STAC: variants seen among roughly 807,000 people sequenced by gnomAD.
The protein encoded by STAC is SH3 and cysteine rich domain.
A neutral mutation model predicts 48.8 loss-of-function variants in STAC; 43 were observed. The observed-to-expected ratio is 0.88, with a 90% CI of 0.69 to 1.14. STAC has a LOEUF of 1.14. STAC is among the 50% of genes most tolerant of loss of function. The pLI is 0.00. For synonymous variants in STAC, 193 were observed against 179.5 expected (o/e 1.07, Z -0.60); for missense variants, 497 against 504.0 (o/e 0.99, Z 0.13).
intron 8 of STAC, among the ~76,000 whole-genome samples, chr3:36,514,335 T>TCA (rs1698617713): frequency 6.9e-6 from 1 of 145,496 alleles, no homozygotes; most frequent in Non-Finnish European, 1.5e-5. Flanking sequence ...ACACACACAT[T>TCA]CACACACACA....
At chr3:36,495,738 T>C (rs1484837445) in intron 6 of STAC, among the ~76,000 whole-genome samples, 1 of 152,270 alleles carries the variant, frequency 6.6e-6, no homozygotes, top group East Asian at 1.9e-4. Flanking sequence ...TTAGCAATCA[T>C]TGCTATGTAG....
chr3:36,395,706 CA>C (rs1699843569), intron 1 of STAC, among the ~76,000 whole-genome samples: 1 of 152,132 alleles, frequency 6.6e-6, no homozygotes, highest in Non-Finnish European at 1.5e-5. Flanking sequence ...ACAAAGTCAT[CA>C]AGAATTAAAA....
intron 1 of STAC, among the ~76,000 whole-genome samples, chr3:36,423,512 A>G (rs1010406174): frequency 6.6e-6 from 1 of 151,712 alleles, no homozygotes; most frequent in Non-Finnish European, 1.5e-5. Flanking sequence ...ATACAGAAAA[A>G]TATACATTGT....
chr3:36,394,432 G>A (rs1332304807), intron 1 of STAC, among the ~76,000 whole-genome samples: 2 of 152,196 alleles, frequency 1.3e-5, no homozygotes. Flanking sequence ...ACTGGGGAAA[G>A]CCAGGGAGGA....
intron 2 of STAC, among the ~76,000 whole-genome samples, chr3:36,463,054 G>A (rs1197773294): frequency 6.6e-6 from 1 of 152,122 alleles, no homozygotes; most frequent in Non-Finnish European, 1.5e-5. Context: ...GTACAAGGTG[G>A]ACTTTGTTTT....
At chr3:36,492,028 AAAAATATATATATATATATATATATAT>A (rs1697990984) in intron 5 of STAC, among the ~76,000 whole-genome samples, 2 of 36,660 alleles carry the variant, frequency 5.5e-5, no homozygotes, top group Non-Finnish European at 1.1e-4. Context: ...AAAAAAAAAA[AAAAATATATATATATATATATATATAT>A]ATATATATAT....
chr3:36,534,587 T>G (rs1699153535), intron 10 of STAC, among the ~76,000 whole-genome samples: 1 of 152,040 alleles, frequency 6.6e-6, no homozygotes, highest in Non-Finnish European at 1.5e-5. Flanking sequence ...TTGTATTTTT[T>G]TTTTGCAGAG....
chr3:36,524,997 T>C (rs141075735), intron 8 of STAC, among the ~76,000 whole-genome samples: 2 of 152,240 alleles, frequency 1.3e-5, no homozygotes, highest in African/African-American at 2.4e-5. Flanking sequence ...ATAGTCCTTA[T>C]GCCAATTTAC....
intron 6 of STAC, among the ~76,000 whole-genome samples, chr3:36,501,310 A>C (rs895460042): frequency 3.3e-5 from 5 of 152,146 alleles, no homozygotes; most frequent in African/African-American, 1.2e-4. Flanking sequence ...AAATAGAATA[A>C]ACTCAGAAAA....
chr3:36,486,010 C>T (rs1559509810), intron 4 of STAC, 124 bp from the exon 5 acceptor site: 1 of 687,418 alleles, frequency 1.5e-6, no homozygotes, highest in South Asian at 1.9e-5. Flanking sequence ...CCTGTCTACC[C>T]AGAGGCTAAG....
intron 1 of STAC, among the ~76,000 whole-genome samples, chr3:36,437,493 G>A (rs1696178875): frequency 6.6e-6 from 1 of 151,482 alleles, no homozygotes; most frequent in South Asian, 2.1e-4. Flanking sequence ...GGATGAAATT[G>A]GAAATCATCA....
intron 10 of STAC, among the ~76,000 whole-genome samples, chr3:36,541,355 G>A (rs137965567): frequency 2.4e-4 from 37 of 152,260 alleles, no homozygotes; most frequent in Admixed American, 4.6e-4. Flanking sequence ...AGAATGAAAG[G>A]CAGGACTCTG....
intron 7 of STAC, among the ~76,000 whole-genome samples, chr3:36,505,518 G>C (rs917840363): frequency 2.7e-4 from 41 of 152,082 alleles, no homozygotes; most frequent in African/African-American, 9.4e-4. Flanking sequence ...TTCTGACAAA[G>C]AGTTCCAAAT....
chr3:36,502,274 G>GA (rs1698299314), intron 6 of STAC, among the ~76,000 whole-genome samples: 1 of 152,112 alleles, frequency 6.6e-6, no homozygotes, highest in African/African-American at 2.4e-5. Flanking sequence ...TATTTTTCAT[G>GA]AAATAATTTA....
chr3:36,446,916 T>C (rs1696522966), intron 2 of STAC, among the ~76,000 whole-genome samples: 2 of 152,212 alleles, frequency 1.3e-5, no homozygotes, highest in African/African-American at 4.8e-5. Flanking sequence ...ATCATTCACT[T>C]CCATAACGGC....
chr3:36,433,017 T>C (rs1268302413), intron 1 of STAC, among the ~76,000 whole-genome samples: 2 of 152,164 alleles, frequency 1.3e-5, no homozygotes, highest in African/African-American at 2.4e-5. Flanking sequence ...CTGTTGGAAG[T>C]GGCTTCATGG....
Position 36,443,777 on chromosome 3 carries a change from C to A in STAC, c.388+137C>A. The A allele has an allele frequency of 8.7e-7, 1 of 1,152,592 alleles. No individual in the cohort carries two copies. Among genetic ancestry groups the A allele is most frequent in the Non-Finnish European group, 1.2e-6 (1 of 821,440 alleles). The allele number at this position is 1,152,592 out of a possible 1,614,324, so 71.4% of individuals were successfully genotyped here. A position where few individuals can be genotyped will look rare whatever the true frequency, so the allele number is the denominator to read the frequency against. ...CATGTGGGAAGATCATTCAGGAGTGCTTTGGGGAACAATATTTGTGAGAAG... is the reference window on the plus strand; with the variant it reads ...CATGTGGGAAGATCATTCAGGAGTGATTTGGGGAACAATATTTGTGAGAAG... On this transcript the variant is annotated intron_variant, in intron 2 of 10. Transcript: ENST00000273183. This position sits in a 1 kb window ranked among gnomAD's most constrained non-coding sequence, Gnocchi z 4.2.
chr3:36,484,582 T>C lies in STAC; in HGVS notation c.490-395T>C, dbSNP rs556567482. 1.4e-4 allele frequency among the ~76,000 whole-genome samples: 21 copies of C among 152,318 alleles called. 1 individual carries two copies. In the South Asian group the frequency reaches 3.9e-3, roughly 29 times the overall value. On this transcript the variant is annotated intron_variant, in intron 3 of 10. Transcript: ENST00000273183. ...CCTCCCTCTGAGGTCCACTTACCCA[T>C]GCCCAGGCCTTTTATTTATATTATT...
intron 1 of STAC, among the ~76,000 whole-genome samples, chr3:36,402,301 G>A (rs1700012531): frequency 6.6e-6 from 1 of 151,906 alleles, no homozygotes; most frequent in Non-Finnish European, 1.5e-5. Flanking sequence ...AGGGGAAGAA[G>A]AAGGAAGGAA....
Sources: allele counts gnomAD v4.1 joint callset (sites outside exome capture counted in the v4.1 genomes callset), GRCh38; gene constraint gnomAD v4.1.1; non-coding constraint Gnocchi (gnomAD v3.1); transcripts MANE v1.5; gene names NCBI Gene and HGNC (gene_info 2026-07-23, HGNC 2026-07-21).